Variants in ORC5 observed in about 807,000 individuals in gnomAD.
The protein encoded by ORC5 is protein phosphatase 1, regulatory subunit 117.
Under a neutral mutation model 58.8 loss-of-function variants are expected in ORC5, and 39 were observed. That is an observed-to-expected ratio of 0.66 (90% CI 0.51 to 0.87). The LOEUF (loss-of-function observed/expected upper bound fraction) is 0.87. Among genes scored for constraint, ORC5 ranks in the 40% least tolerant of loss-of-function variants. The probability of loss-of-function intolerance (pLI) is 0.00; values close to 1 mark genes in which losing one functional copy is unlikely to be tolerated. For synonymous variants in ORC5, 218 were observed against 177.6 expected (o/e 1.23, Z -1.81); for missense variants, 493 against 506.3 (o/e 0.97, Z 0.25).
At position 104,207,893 on chromosome 7, in the gene ORC5, C is replaced by T. The variant is rs747757682; in HGVS notation, c.12G>A (p.Leu4=). The part of the protein sequence containing the change: MPH[L]ENVVLCRESQ... ...ACTCGCGACAAAGCACCACGTTTTC[C>T]AAGTGGGGCATTCTGGCAGGCACCA... Residue 4 remains leucine (L), a synonymous_variant, in exon 1 of 14, where the codon TTG becomes TTA. Transcript: ENST00000297431. 6.2e-7 allele frequency: 1 copy of T among 1,614,170 alleles called. No homozygotes were observed. Among genetic ancestry groups the T allele is most frequent in the Non-Finnish European group, 8.5e-7 (1 of 1,180,010 alleles).
At chr7:104,173,536 T>C (rs10275484) in intron 8 of ORC5, among the ~76,000 whole-genome samples, 13,035 of 152,278 alleles carry the variant, frequency 0.086, 1,862 homozygotes, top group African/African-American at 0.3. Flanking sequence ...CTGAACTTTC[T>C]GCTTCCGCAG....
rs373870214 is a variant in ORC5, at chr7:104,174,034, C to T, written c.825-5509G>A. On this transcript the variant is annotated intron_variant, in intron 8 of 13. Coordinates refer to ENST00000297431, the MANE Select transcript of ORC5 (RefSeq NM_002553.4). ...TAATTTTTTGTATTTTTAGTAGAGA[C>T]GGGGTTTCACCGTTTTAGCCGGGAT... 6.6e-5 allele frequency among the ~76,000 whole-genome samples: 10 copies of T among 151,050 alleles called. No individual in the cohort carries two copies. The East Asian group carries it at 1.4e-3, about 21-fold the overall frequency.
chr7:104,174,189 G>T (rs964355153), intron 8 of ORC5, among the ~76,000 whole-genome samples: 34 of 152,094 alleles, frequency 2.2e-4, no homozygotes, highest in Non-Finnish European at 4.9e-4. Context: ...TTTTGGTTTG[G>T]TAACACACAT....
At chr7:104,162,637 T>C (rs989561944) in intron 11 of ORC5, among the ~76,000 whole-genome samples, 1 of 152,240 alleles carries the variant, frequency 6.6e-6, no homozygotes, top group Non-Finnish European at 1.5e-5. Context: ...AAATTTTGTA[T>C]GCTTTTGTCA....
intron 5 of ORC5, among the ~76,000 whole-genome samples, chr7:104,190,181 A>G (rs985628296): frequency 1.3e-5 from 2 of 152,142 alleles, no homozygotes; most frequent in African/African-American, 2.4e-5. Flanking sequence ...ACTAAGACAA[A>G]TAGAAAACAA....
chr7:104,165,998 C>T (rs1185402666), intron 10 of ORC5, among the ~76,000 whole-genome samples: 1 of 151,942 alleles, frequency 6.6e-6, no homozygotes, highest in Non-Finnish European at 1.5e-5. Flanking sequence ...CACACCACTG[C>T]ACTCTGGCCT....
intron 12 of ORC5, among the ~76,000 whole-genome samples, chr7:104,152,301 C>T (rs968733638): frequency 2.6e-5 from 4 of 152,166 alleles, no homozygotes; most frequent in African/African-American, 7.2e-5. Flanking sequence ...TCACGCACCA[C>T]CACACGCAGC....
At chr7:104,134,927 G>C (rs1333199880) in intron 13 of ORC5, among the ~76,000 whole-genome samples, 9 of 152,178 alleles carry the variant, frequency 5.9e-5, no homozygotes, top group African/African-American at 2.2e-4. Flanking sequence ...GGGAAGTAGG[G>C]AACAGTAAAG....
intron 12 of ORC5, among the ~76,000 whole-genome samples, chr7:104,137,750 A>G (rs930935697): frequency 6.6e-6 from 1 of 152,012 alleles, no homozygotes; most frequent in Non-Finnish European, 1.5e-5. Flanking sequence ...TTCAGGGGAA[A>G]ACCACCTTCC....
intron 8 of ORC5, among the ~76,000 whole-genome samples, chr7:104,179,139 G>A (rs542201986): frequency 1.5e-4 from 22 of 149,494 alleles, no homozygotes; most frequent in African/African-American, 5.2e-4. Flanking sequence ...TTAAGAGACA[G>A]GGTCTCACCA....
Position 104,160,977 on chromosome 7 carries a change from T to C in ORC5, c.1149+95A>G, listed in dbSNP as rs376664468. 50 of 743,814 alleles carry C rather than the reference T, an allele frequency of 6.7e-5. 1 individual carries two copies. Among genetic ancestry groups the C allele is most frequent in the East Asian group, 1.3e-4 (5 of 39,010 alleles). 46.1% of individuals were successfully genotyped at this position (743,814 alleles called of 1,614,324 possible). A position where few individuals can be genotyped will look rare whatever the true frequency, so the allele number is the denominator to read the frequency against. ...ATTATATAGTTAAAACAGTAACATA[T>C]GTTGAACAAAAATCTGAATGCCTGG... On this transcript the variant is annotated intron_variant, in intron 12 of 13. Transcript: ENST00000297431.
chr7:104,160,861 T>A (rs987806287), intron 12 of ORC5, among the ~76,000 whole-genome samples: 2 of 152,190 alleles, frequency 1.3e-5, no homozygotes, highest in African/African-American at 4.8e-5. Context: ...TTATTTGCCA[T>A]GAGGTTATAC....
Position 104,168,953 on chromosome 7 carries a change from A to G in ORC5, c.825-428T>C, listed in dbSNP as rs563163928. On this transcript the variant is annotated intron_variant, in intron 8 of 13. Coordinates refer to ENST00000297431, the MANE Select transcript of ORC5 (RefSeq NM_002553.4). ...AAAAATTAGCTGGGTATGGTGGCGC[A>G]TGCCTATACTCCCAGCTACTTGGGT... 9.9e-5 allele frequency among the ~76,000 whole-genome samples: 15 copies of G among 152,260 alleles called. No homozygotes were observed. The East Asian group carries it at 2.7e-3, about 27-fold the overall frequency.
intron 13 of ORC5, among the ~76,000 whole-genome samples, chr7:104,130,491 TGTGCAAAAAG>T (rs1798496570): frequency 6.6e-6 from 1 of 152,222 alleles, no homozygotes; most frequent in African/African-American, 2.4e-5. Context: ...GCTGGTGTCC[TGTGCAAAAAG>T]CTCTGCTACT....
intron 5 of ORC5, among the ~76,000 whole-genome samples, chr7:104,192,718 GA>G (rs1799702802): frequency 6.6e-6 from 1 of 151,926 alleles, no homozygotes; most frequent in Non-Finnish European, 1.5e-5. Context: ...CAAAACAAAA[GA>G]GGTAACTGAA....
chr7:104,155,620 C>A (rs930437316), intron 12 of ORC5, among the ~76,000 whole-genome samples: 1 of 151,418 alleles, frequency 6.6e-6, no homozygotes, highest in Non-Finnish European at 1.5e-5. Context: ...AAACATATTC[C>A]TTTTACAAGT....
chr7:104,168,538 A>G lies in ORC5; in HGVS notation c.825-13T>C. The stretch of plus-strand genomic sequence containing the variant: ...TTCCCACTGGGAACTGAAAAAAAAT[A>G]GAAGAGCAAAAATGAATTAAAAATA... On this transcript the variant is annotated splice_polypyrimidine_tract_variant and intron_variant, in intron 8 of 13. Coordinates refer to ENST00000297431, the MANE Select transcript of ORC5 (RefSeq NM_002553.4). The G allele has an allele frequency of 6.8e-7, 1 of 1,477,516 alleles. No individual in the cohort carries two copies. Among genetic ancestry groups the G allele is most frequent in the Non-Finnish European group, 9.2e-7 (1 of 1,082,396 alleles). The allele number at this position is 1,477,516 out of a possible 1,614,324, so 91.5% of individuals were successfully genotyped here.
intron 4 of ORC5, among the ~76,000 whole-genome samples, chr7:104,197,258 A>C (rs1799821983): frequency 6.6e-6 from 1 of 152,212 alleles, no homozygotes; most frequent in Non-Finnish European, 1.5e-5. Context: ...TGAGATGTTA[A>C]GTGAGGACTT....
chr7:104,164,199 C>G (rs1799069942), intron 11 of ORC5, among the ~76,000 whole-genome samples: 1 of 152,160 alleles, frequency 6.6e-6, no homozygotes, highest in Non-Finnish European at 1.5e-5. Context: ...AGGAGTGGAT[C>G]ATTTGAGACC....
Sources: allele counts gnomAD v4.1 joint callset (sites outside exome capture counted in the v4.1 genomes callset), GRCh38; gene constraint gnomAD v4.1.1; transcripts MANE v1.5; gene names NCBI Gene and HGNC (gene_info 2026-07-23, HGNC 2026-07-21).